Variants in DOP1A observed in about 807,000 individuals in gnomAD.
DOP1A encodes protein DOP1A.
In DOP1A, 90 loss-of-function variants were observed where a neutral mutation model predicts 267.6. That is an observed-to-expected ratio of 0.34 (90% CI 0.28 to 0.40). DOP1A has a LOEUF of 0.40. Ranked by LOEUF, DOP1A falls within the 10% of genes least tolerant of loss-of-function variation. The probability of loss-of-function intolerance (pLI) is 1.00; values close to 1 mark genes in which losing one functional copy is unlikely to be tolerated. For missense variants in DOP1A, 2,437 were observed against 2,900.4 expected (o/e 0.84, Z 3.67); for synonymous variants, 932 against 999.1 (o/e 0.93, Z 1.27).
At chr6:83,082,861 G>A (rs57352558) in intron 1 of DOP1A, among the ~76,000 whole-genome samples, 3,003 of 150,342 alleles carry the variant, frequency 0.02, 112 homozygotes, top group African/African-American at 0.069. Flanking sequence ...AGGCTGGAGT[G>A]CAGTGGTGCG....
intron 1 of DOP1A, among the ~76,000 whole-genome samples, chr6:83,086,552 A>G (rs1047744800): frequency 6.6e-6 from 1 of 152,196 alleles, no homozygotes; most frequent in African/African-American, 2.4e-5. Flanking sequence ...TTAAAATTGA[A>G]TAGAAAAGAG....
rs1214299983 is a variant in DOP1A at position 83,120,698 on chromosome 6, T to C, written c.1006T>C (p.Leu336=). The stretch of plus-strand genomic sequence containing the variant: ...TTTTTTAAAGGCAATGGTGGGAATC[T>C]TACAAGTGAATGGATTTGGAGAAGA... ...ELLVQAMVGI[L]QVNGFGEENT... is the part of the protein sequence containing the mutation. The change falls in exon 10 of 39, where the codon TTA becomes CTA. Residue 336 remains leucine (L), a synonymous_variant. Coordinates refer to ENST00000349129, the MANE Select transcript of DOP1A (RefSeq NM_015018.4). The C allele has an allele frequency of 1.3e-6, 2 of 1,580,488 alleles. No homozygotes were observed. Among genetic ancestry groups the C allele is most frequent in the Non-Finnish European group, 1.7e-6 (2 of 1,155,086 alleles).
In DOP1A at chr6:83,167,940, C is replaced by T. The variant is rs1024056692; in HGVS notation, c.7171C>T (p.Arg2391Cys). 7.4e-6 allele frequency: 12 copies of T among 1,613,994 alleles called. No individual in the cohort carries two copies. The highest frequency in any genetic ancestry group is 3.3e-5 in the Admixed American group (2 of 59,998). Residue 2391 changes from arginine (R) to cysteine (C), a missense_variant, in exon 39 of 39, where the codon CGC becomes TGC. This residue lies in a region of DOP1A where 197 missense variants were observed against 246.5 expected (regional missense o/e 0.80). Transcript: ENST00000349129. Reference protein sequence around the residue: ...GHLLLTICTVRSMEQLLPFFN... With the variant: ...GHLLLTICTVCSMEQLLPFFN... ...CTTGCTGCTCACCATCTGCACCGTG[C>T]GCAGTATGGAGCAGCTCCTGCCGTT... is the stretch of plus-strand genomic sequence containing the variant.
At chr6:83,150,996 A>G (rs1314061955) in intron 27 of DOP1A, among the ~76,000 whole-genome samples, 2 of 152,214 alleles carry the variant, frequency 1.3e-5, no homozygotes, top group African/African-American at 2.4e-5. Context: ...TGTAACCACT[A>G]TTCTAACACC....
At chr6:83,157,871 C>T (rs142419323) in intron 35 of DOP1A, among the ~76,000 whole-genome samples, 2,719 of 152,284 alleles carry the variant, frequency 0.018, 49 homozygotes, top group Admixed American at 0.059. Context: ...CATCCTTATC[C>T]TCCTCAGAAT....
intron 18 of DOP1A, among the ~76,000 whole-genome samples, chr6:83,133,648 A>C (rs1778422907): frequency 2.0e-5 from 3 of 151,890 alleles, no homozygotes; most frequent in Admixed American, 2.0e-4. Context: ...TATTATATTA[A>C]TCTTTTTCCA....
chr6:83,168,362 C>G lies in DOP1A; in HGVS notation c.*195C>G, dbSNP rs1310291089. 1.2e-5 allele frequency: 17 copies of G among 1,392,230 alleles called. No individual in the cohort carries two copies. Among genetic ancestry groups the G allele is most frequent in the Non-Finnish European group, 1.1e-5 (12 of 1,077,216 alleles). The allele number at this position is 1,392,230 out of a possible 1,614,324, so 86.2% of individuals were successfully genotyped here. A position where few individuals can be genotyped will look rare whatever the true frequency, so the allele number is the denominator to read the frequency against. Reference sequence around the variant, plus strand: ...CAAGTTTAAATATTGTTGGCTCATACTGATTATGGTGCCTAAGAGAGCTAT... The same window carrying G: ...CAAGTTTAAATATTGTTGGCTCATAGTGATTATGGTGCCTAAGAGAGCTAT... On this transcript the variant is annotated 3_prime_UTR_variant, in exon 39 of 39. Coordinates refer to ENST00000349129, the MANE Select transcript of DOP1A (RefSeq NM_015018.4).
chr6:83,139,536 C>T (rs867645568), intron 21 of DOP1A, among the ~76,000 whole-genome samples: 19 of 152,194 alleles, frequency 1.2e-4, no homozygotes, highest in Middle Eastern at 3.4e-3. Context: ...ATTTACAAAT[C>T]TTTTCCATCC....
At chr6:83,126,597 GT>G (rs1777197935) in intron 15 of DOP1A, among the ~76,000 whole-genome samples, 1 of 152,126 alleles carries the variant, frequency 6.6e-6, no homozygotes, top group Admixed American at 6.6e-5. Context: ...TAATCAAGTG[GT>G]AGGAATATGG....
At position 83,132,480 on chromosome 6, in the gene DOP1A, A is replaced by G. The variant is rs1024582223; in HGVS notation, c.2769+152A>G. On this transcript the variant is annotated intron_variant, in intron 18 of 38. Coordinates refer to ENST00000349129, the MANE Select transcript of DOP1A (RefSeq NM_015018.4). ...GTTCACAGTGATCTTAATATCTTTA[A>G]AATAAATGTATTCAATTATTTCTAG... 17 of 844,112 alleles carry G rather than the reference A, an allele frequency of 2.0e-5. No homozygotes were observed. In the African/African-American group the frequency reaches 2.9e-4, roughly 14 times the overall value. The allele number at this position is 844,112 out of a possible 1,614,324, so 52.3% of individuals were successfully genotyped here.
chr6:83,083,501 T>A (rs1222076769), intron 1 of DOP1A, among the ~76,000 whole-genome samples: 1 of 152,174 alleles, frequency 6.6e-6, no homozygotes, highest in African/African-American at 2.4e-5. Flanking sequence ...TTCCTGGTTC[T>A]TCCTTTTATT....
At chr6:83,136,582 A>G (rs1403202462) in intron 20 of DOP1A, among the ~76,000 whole-genome samples, 2 of 152,142 alleles carry the variant, frequency 1.3e-5, no homozygotes, top group Non-Finnish European at 2.9e-5. Context: ...TAAGTGATGA[A>G]GCTGAAACCA....
At chr6:83,085,367 A>G (rs976497286) in intron 1 of DOP1A, among the ~76,000 whole-genome samples, 12 of 152,216 alleles carry the variant, frequency 7.9e-5, no homozygotes, top group Admixed American at 6.5e-4. Flanking sequence ...ACAAGCAAAT[A>G]AATAGGAAAA....
chr6:83,129,401 C>G lies in DOP1A; in HGVS notation c.2234C>G (p.Ser745Cys), dbSNP rs752704716. 1 of 1,611,432 alleles carries G rather than the reference C, an allele frequency of 6.2e-7. No individual in the cohort carries two copies. Among genetic ancestry groups the G allele is most frequent in the South Asian group, 1.1e-5 (1 of 90,532 alleles). Residue 745 changes from serine (S) to cysteine (C), a missense_variant, in exon 16 of 39, where the codon TCT becomes TGT. Coordinates refer to ENST00000349129, the MANE Select transcript of DOP1A (RefSeq NM_015018.4). The stretch of plus-strand genomic sequence containing the variant: ...CAAAAAACTTCTAAAGAATACCTGT[C>G]TGCCTTCCTTGCTGCCTGTCAGCTC... ...SKQKTSKEYL[S>C]AFLAACQLFL...
intron 1 of DOP1A, 123 bp downstream of exon 1, chr6:83,067,902 G>A (rs1784940599): frequency 1.3e-5 from 2 of 152,500 alleles, no homozygotes; most frequent in South Asian, 2.1e-4. Context: ...GTGGCGTCGG[G>A]GGTGTTGCCG....
chr6:83,095,935 A>G (rs1436139486), intron 1 of DOP1A, among the ~76,000 whole-genome samples: 2 of 152,262 alleles, frequency 1.3e-5, no homozygotes, highest in East Asian at 1.9e-4. Context: ...TCCCCCCAGA[A>G]CTAATGATAA....
At chr6:83,068,728 A>T (rs2127932011) in intron 1 of DOP1A, among the ~76,000 whole-genome samples, 1 of 152,348 alleles carries the variant, frequency 6.6e-6, no homozygotes, top group South Asian at 2.1e-4. Flanking sequence ...GTCTACAGTG[A>T]ATAACATACG....
intron 38 of DOP1A, chr6:83,164,607 A>G (rs149272904): frequency 0.018 from 27,072 of 1,513,080 alleles, 370 homozygotes; most frequent in Admixed American, 0.061. Flanking sequence ...TTCATGGCCA[A>G]GCATACTTTT....
In DOP1A at chr6:83,138,522, A is replaced by G. The variant is rs777537302; in HGVS notation, c.4480A>G (p.Thr1494Ala). Reference sequence around the variant, plus strand: ...GCAAATGATGAGCATAGAAATTCTGACACTACTCTTCACTGAGCTGGCAAA... The same window carrying G: ...GCAAATGATGAGCATAGAAATTCTGGCACTACTCTTCACTGAGCTGGCAAA... ...NMQMMSIEIL[T>A]LLFTELAKVI... The change falls in exon 21 of 39, where the codon ACA becomes GCA. Residue 1494 changes from threonine (T) to alanine (A), a missense_variant. Physicochemically the swap from Thr to Ala is moderately conservative, Grantham distance 58. This residue lies in a region of DOP1A where 878 missense variants were observed against 992.9 expected (regional missense o/e 0.88). Transcript: ENST00000349129. 1 of 1,613,792 alleles carries G rather than the reference A, an allele frequency of 6.2e-7. No individual in the cohort carries two copies. The highest frequency in any genetic ancestry group is 1.7e-5 in the Admixed American group (1 of 60,004).
Sources: allele counts gnomAD v4.1 joint callset (sites outside exome capture counted in the v4.1 genomes callset), GRCh38; gene constraint gnomAD v4.1.1; regional missense constraint gnomAD v4.1.1; transcripts MANE v1.5; gene names NCBI Gene and HGNC (gene_info 2026-07-23, HGNC 2026-07-21).